Variants in CPQ observed in about 807,000 individuals in gnomAD.
The protein encoded by CPQ is Ser-Met dipeptidase.
CPQ carries 37 observed loss-of-function variants against 45.7 expected under a neutral mutation model. That is an observed-to-expected ratio of 0.81 (90% CI 0.62 to 1.07). The LOEUF is 1.07. Among genes scored for constraint, CPQ ranks in the 50% least tolerant of loss-of-function variants. CPQ has a pLI of 0.00. For synonymous variants in CPQ, 186 were observed against 205.8 expected (o/e 0.90, Z 0.82); for missense variants, 537 against 572.9 (o/e 0.94, Z 0.64).
chr8:96,796,081 T>A (rs963430497), intron 2 of CPQ, among the ~76,000 whole-genome samples: 11 of 152,136 alleles, frequency 7.2e-5, no homozygotes, highest in Non-Finnish European at 1.2e-4. Flanking sequence ...ATTCTTGATA[T>A]ATTTTGTTAA....
At chr8:96,975,311 G>GAACAGACCAGA (rs58755784) in intron 5 of CPQ, among the ~76,000 whole-genome samples, 2 of 151,424 alleles carry the variant, frequency 1.3e-5, no homozygotes, top group African/African-American at 4.9e-5. Flanking sequence ...CAGAATCTCT[G>GAACAGACCAGA]AACAGGCAGT....
chr8:96,815,201 AAGAG>A (rs767922271), intron 2 of CPQ, among the ~76,000 whole-genome samples: 4 of 152,090 alleles, frequency 2.6e-5, no homozygotes, highest in East Asian at 3.9e-4. Flanking sequence ...GTATTATAAA[AAGAG>A]AGAGAGAGAA....
intron 1 of CPQ, among the ~76,000 whole-genome samples, chr8:96,782,421 G>C (rs1321331626): frequency 1.3e-5 from 2 of 152,176 alleles, no homozygotes; most frequent in Non-Finnish European, 2.9e-5. Flanking sequence ...AGACATTTGG[G>C]TAGGTGAGGT....
chr8:96,846,286 C>G (rs1294228887), intron 3 of CPQ, among the ~76,000 whole-genome samples: 1 of 152,148 alleles, frequency 6.6e-6, no homozygotes, highest in East Asian at 1.9e-4. Flanking sequence ...CTGAATCCCT[C>G]TTTGTGAAAA....
chr8:96,688,029 A>T (rs1402613721), intron 1 of CPQ, among the ~76,000 whole-genome samples: 4 of 152,004 alleles, frequency 2.6e-5, no homozygotes, highest in Admixed American at 2.6e-4. Flanking sequence ...TCATGTCCTG[A>T]GAGAAAAGAA....
chr8:96,877,777 G>A lies in CPQ; in HGVS notation c.642-2021G>A, dbSNP rs537262047. On this transcript the variant is annotated intron_variant, in intron 3 of 7. Transcript: ENST00000220763. Reference sequence around the variant, plus strand: ...TAGAAACAAAGAGGTAATCTTAGTTGCAAAGAATGCTGGAGCTGGGATCCG... The same window carrying A: ...TAGAAACAAAGAGGTAATCTTAGTTACAAAGAATGCTGGAGCTGGGATCCG... Among the ~76,000 whole-genome samples the A allele has an allele frequency of 3.9e-5, 6 of 152,232 alleles. No individual in the cohort carries two copies. In the South Asian group the frequency reaches 1.2e-3, roughly 32 times the overall value.
At chr8:97,034,460 A>G (rs889841278) in intron 6 of CPQ, among the ~76,000 whole-genome samples, 2 of 152,190 alleles carry the variant, frequency 1.3e-5, no homozygotes, top group Non-Finnish European at 2.9e-5. Context: ...TGGTATTAGC[A>G]CATAAGCTTG....
intron 1 of CPQ, among the ~76,000 whole-genome samples, chr8:96,652,914 G>T (rs370610937): frequency 6.6e-6 from 1 of 152,190 alleles, no homozygotes; most frequent in Non-Finnish European, 1.5e-5. Context: ...GATTACAGGC[G>T]TGAGCCACCG....
intron 1 of CPQ, among the ~76,000 whole-genome samples, chr8:96,685,454 G>T (rs2455047): frequency 0.7 from 106,422 of 151,372 alleles, 37,822 homozygotes; most frequent in Middle Eastern, 0.82. Context: ...TAGTTATCAA[G>T]GTTTTTTTGT....
At chr8:97,065,717 A>G (rs904002741) in intron 6 of CPQ, among the ~76,000 whole-genome samples, 3 of 152,164 alleles carry the variant, frequency 2.0e-5, no homozygotes, top group African/African-American at 7.2e-5. Context: ...AAAGAATATT[A>G]TTGCTAGTAG....
intron 4 of CPQ, among the ~76,000 whole-genome samples, chr8:96,911,175 G>A (rs188236383): frequency 2.0e-4 from 31 of 152,212 alleles, no homozygotes; most frequent in Admixed American, 1.5e-3. Flanking sequence ...GGTGGAGCAG[G>A]AGAGAGCAGG....
intron 6 of CPQ, among the ~76,000 whole-genome samples, chr8:97,030,135 A>G (rs1371497567): frequency 6.6e-6 from 1 of 152,248 alleles, no homozygotes; most frequent in Non-Finnish European, 1.5e-5. Context: ...AGCAAAATAT[A>G]CAAGCTGAGA....
intron 4 of CPQ, 111 bp from the exon 5 acceptor site, chr8:96,965,824 G>C: frequency 1.5e-6 from 1 of 652,166 alleles, no homozygotes; most frequent in Non-Finnish European, 2.5e-6. Flanking sequence ...CATAAAAATA[G>C]GAAAGAAAAT....
intron 7 of CPQ, among the ~76,000 whole-genome samples, chr8:97,124,879 CA>C (rs1242004598): frequency 6.6e-6 from 1 of 151,730 alleles, no homozygotes; most frequent in Non-Finnish European, 1.5e-5. Context: ...ACAACAACAA[CA>C]AAAATACTAA....
rs1177502866 is a variant in CPQ, at chr8:97,029,395, T to G, written c.962-8T>G. 1 of 1,586,488 alleles carries G rather than the reference T, an allele frequency of 6.3e-7. No individual in the cohort carries two copies. The highest frequency in any genetic ancestry group is 1.8e-5 in the Admixed American group (1 of 56,898). On this transcript the variant is annotated splice_region_variant and splice_polypyrimidine_tract_variant and intron_variant, in intron 5 of 7. Coordinates refer to ENST00000220763, the MANE Select transcript of CPQ (RefSeq NM_016134.4). ...AAGTATCACTTTTTTATTTTATTATTTTCCCAGGGCTGCGTCCAAAGAGGA... is the reference window on the plus strand; with the variant it reads ...AAGTATCACTTTTTTATTTTATTATGTTCCCAGGGCTGCGTCCAAAGAGGA...
chr8:96,754,058 G>A (rs1810297429), intron 1 of CPQ, among the ~76,000 whole-genome samples: 1 of 151,808 alleles, frequency 6.6e-6, no homozygotes, highest in South Asian at 2.1e-4. Flanking sequence ...CATTTCTGAG[G>A]TAATCCCTAC....
chr8:96,983,324 C>G (rs1028245289), intron 5 of CPQ, among the ~76,000 whole-genome samples: 1 of 152,166 alleles, frequency 6.6e-6, no homozygotes, highest in Non-Finnish European at 1.5e-5. Context: ...GCATTACCCT[C>G]TAAGTACTAG....
chr8:96,673,189 G>C (rs1276029972), intron 1 of CPQ, among the ~76,000 whole-genome samples: 1 of 152,148 alleles, frequency 6.6e-6, no homozygotes, highest in Non-Finnish European at 1.5e-5. Context: ...AGCAATGAAA[G>C]AATGCAGCAA....
intron 5 of CPQ, among the ~76,000 whole-genome samples, chr8:97,024,782 G>A (rs1809769748): frequency 6.6e-6 from 1 of 152,130 alleles, no homozygotes; most frequent in South Asian, 2.1e-4. Flanking sequence ...ACTCTTATTA[G>A]TTAAGTTTAT....
Sources: allele counts gnomAD v4.1 joint callset (sites outside exome capture counted in the v4.1 genomes callset), GRCh38; gene constraint gnomAD v4.1.1; transcripts MANE v1.5; gene names NCBI Gene and HGNC (gene_info 2026-07-23, HGNC 2026-07-21).